RNGTT: variants seen among roughly 807,000 people sequenced by gnomAD.
RNGTT encodes mRNA-capping enzyme.
In RNGTT, 33 loss-of-function variants were observed where a neutral mutation model predicts 79.3. The observed-to-expected ratio is 0.42, with a 90% CI of 0.32 to 0.56. RNGTT has a LOEUF of 0.56. Among genes scored for constraint, RNGTT ranks in the 20% least tolerant of loss-of-function variants. The probability of loss-of-function intolerance (pLI) is 0.17; values close to 1 mark genes in which losing one functional copy is unlikely to be tolerated. For synonymous variants in RNGTT, 222 were observed against 235.9 expected, an observed-to-expected ratio of 0.94 and a Z score of 0.54; for missense variants, 497 against 739.1, an observed-to-expected ratio of 0.67 and a Z score of 3.80.
rs73496496 is a variant in RNGTT at position 88,771,915 on chromosome 6, C to T, written c.1339-2041G>A. ...CAGTAGGGTTAGGCACGGTGGCTCA[C>T]GCCTGTAATTCCAGCACTTTGGGAG... On this transcript the variant is annotated intron_variant, in intron 12 of 15. Coordinates refer to ENST00000369485, the MANE Select transcript of RNGTT (RefSeq NM_003800.5). 3.7e-3 allele frequency among the ~76,000 whole-genome samples: 562 copies of T among 152,186 alleles called. 4 individuals carry two copies. Among genetic ancestry groups the T allele is most frequent in the African/African-American group, 0.013 (539 of 41,518 alleles).
chr6:88,918,605 TAAA>T (rs1253103942), intron 4 of RNGTT, among the ~76,000 whole-genome samples: 2 of 151,474 alleles, frequency 1.3e-5, no homozygotes, highest in Admixed American at 6.6e-5. Flanking sequence ...AAGAAGAAAA[TAAA>T]AAACAAAGAG....
At chr6:88,898,062 G>A (rs1024668911) in intron 6 of RNGTT, among the ~76,000 whole-genome samples, 21 of 152,078 alleles carry the variant, frequency 1.4e-4, no homozygotes, top group African/African-American at 5.1e-4. Flanking sequence ...GTACGTTGCT[G>A]TATAAATCTG....
intron 11 of RNGTT, among the ~76,000 whole-genome samples, chr6:88,840,572 T>C (rs1056147099): frequency 6.6e-6 from 1 of 152,100 alleles, no homozygotes; most frequent in Non-Finnish European, 1.5e-5. Flanking sequence ...AATTTTCTAG[T>C]ATTTTTTGTA....
At chr6:88,631,160 TGCC>T (rs1295900373) in intron 14 of RNGTT, among the ~76,000 whole-genome samples, 2 of 152,224 alleles carry the variant, frequency 1.3e-5, no homozygotes, top group African/African-American at 4.8e-5. Flanking sequence ...CACAGTTCTG[TGCC>T]TCATAACATT....
intron 6 of RNGTT, among the ~76,000 whole-genome samples, chr6:88,893,599 T>C (rs896570678): frequency 6.6e-6 from 1 of 152,172 alleles, no homozygotes; most frequent in Non-Finnish European, 1.5e-5. Flanking sequence ...AAGCTGAATA[T>C]TTTTAATTTA....
intron 4 of RNGTT, among the ~76,000 whole-genome samples, chr6:88,913,689 C>T (rs1048718643): frequency 3.9e-5 from 6 of 152,106 alleles, no homozygotes; most frequent in Admixed American, 1.3e-4. Context: ...AAACAAACTA[C>T]GCATTGAAGA....
chr6:88,644,231 A>C (rs1174497768), intron 14 of RNGTT, among the ~76,000 whole-genome samples: 6 of 152,116 alleles, frequency 3.9e-5, no homozygotes, highest in African/African-American at 1.4e-4. Flanking sequence ...TACCTCTATG[A>C]AAATAAACTA....
intron 2 of RNGTT, among the ~76,000 whole-genome samples, chr6:88,937,718 T>G (rs1162433121): frequency 1.3e-5 from 2 of 152,224 alleles, no homozygotes; most frequent in African/African-American, 4.8e-5. Flanking sequence ...TTTGCTGTAC[T>G]TCTTAGGTTT....
intron 8 of RNGTT, among the ~76,000 whole-genome samples, chr6:88,889,024 G>A (rs887607183): frequency 4.6e-5 from 7 of 151,910 alleles, no homozygotes; most frequent in Admixed American, 2.0e-4. Context: ...GTGAAAACCC[G>A]TCTCAAAAAA....
At chr6:88,857,606 A>G (rs1781882295) in intron 8 of RNGTT, among the ~76,000 whole-genome samples, 1 of 152,178 alleles carries the variant, frequency 6.6e-6, no homozygotes, top group Admixed American at 6.6e-5. Flanking sequence ...ATGTAAAAGC[A>G]TACTAGTCAA....
At chr6:88,691,449 TAC>T (rs368082762) in intron 13 of RNGTT, among the ~76,000 whole-genome samples, 9 of 152,198 alleles carry the variant, frequency 5.9e-5, no homozygotes, top group Non-Finnish European at 1.3e-4. Context: ...AACAAACTAA[TAC>T]AGTTATATTT....
chr6:88,667,185 C>G (rs1774446969), intron 14 of RNGTT, among the ~76,000 whole-genome samples: 1 of 152,034 alleles, frequency 6.6e-6, no homozygotes, highest in Non-Finnish European at 1.5e-5. Context: ...CATCTAGTGC[C>G]TACTTATTCT....
At chr6:88,688,675 A>G (rs1013783846) in intron 13 of RNGTT, among the ~76,000 whole-genome samples, 1 of 152,222 alleles carries the variant, frequency 6.6e-6, no homozygotes, top group Admixed American at 6.5e-5. Context: ...AAATCAAAAC[A>G]CTAAAATAAA....
At chr6:88,620,332 T>C (rs1415645718) in intron 14 of RNGTT, among the ~76,000 whole-genome samples, 1 of 152,210 alleles carries the variant, frequency 6.6e-6, no homozygotes, top group African/African-American at 2.4e-5. Context: ...GGGTATGAAA[T>C]TCACACTAAA....
chr6:88,881,989 A>C (rs1302635217), intron 8 of RNGTT, among the ~76,000 whole-genome samples: 1 of 152,134 alleles, frequency 6.6e-6, no homozygotes, highest in Non-Finnish European at 1.5e-5. Context: ...TGAATGACAG[A>C]TATTTCTCCT....
At chr6:88,673,033 T>C (rs1774716144) in intron 14 of RNGTT, among the ~76,000 whole-genome samples, 1 of 152,212 alleles carries the variant, frequency 6.6e-6, no homozygotes, top group Admixed American at 6.5e-5. Context: ...CTTTTTGTGT[T>C]CTTTCTTTTC....
chr6:88,619,188 C>T (rs528337579), intron 14 of RNGTT, among the ~76,000 whole-genome samples: 1 of 150,968 alleles, frequency 6.6e-6, no homozygotes, highest in African/African-American at 2.4e-5. Flanking sequence ...TTTTCTGAGA[C>T]AAAGTCTCAG....
chr6:88,892,543 A>T (rs1238780678), intron 6 of RNGTT, among the ~76,000 whole-genome samples: 1 of 152,112 alleles, frequency 6.6e-6, no homozygotes, highest in Non-Finnish European at 1.5e-5. Flanking sequence ...GGAATTTTTA[A>T]TCTAAATTTT....
intron 1 of RNGTT, among the ~76,000 whole-genome samples, chr6:88,956,501 C>T (rs1394192812): frequency 1.3e-5 from 2 of 152,060 alleles, no homozygotes; most frequent in African/African-American, 2.4e-5. Context: ...TGAAACTATT[C>T]CAAAAGACAG....
Sources: gnomAD v4.1 joint callset for allele counts (sites outside exome capture counted in the v4.1 genomes callset) on GRCh38, gnomAD v4.1.1 for gene constraint, MANE v1.5 for transcripts, NCBI Gene and HGNC (gene_info 2026-07-23, HGNC 2026-07-21) for gene names.